Variants in ITGA9 observed in about 807,000 individuals in gnomAD.
ITGA9 encodes integrin subunit alpha 9.
ITGA9 carries 56 observed loss-of-function variants against 127.8 expected under a neutral mutation model. The observed-to-expected ratio is 0.44, with a 90% CI of 0.35 to 0.55. The LOEUF (loss-of-function observed/expected upper bound fraction) is 0.55. Ranked by LOEUF, ITGA9 falls within the 20% of genes least tolerant of loss-of-function variation. The probability of loss-of-function intolerance (pLI) is 0.00; values close to 1 mark genes in which losing one functional copy is unlikely to be tolerated. For missense variants in ITGA9, 1,196 were observed against 1,347.1 expected (o/e 0.89, Z 1.76); for synonymous variants, 508 against 514.5 (o/e 0.99, Z 0.17).
At chr3:37,546,248 C>T (rs759244879) in intron 15 of ITGA9, among the ~76,000 whole-genome samples, 1 of 152,166 alleles carries the variant, frequency 6.6e-6, no homozygotes, top group East Asian at 1.9e-4. Flanking sequence ...GCTGATAAAG[C>T]GCCCACTCCA....
At chr3:37,666,506 C>T (rs1242020753) in intron 17 of ITGA9, among the ~76,000 whole-genome samples, 2 of 152,114 alleles carry the variant, frequency 1.3e-5, no homozygotes, top group East Asian at 1.9e-4. Flanking sequence ...CAGGCAACCT[C>T]GGGTTGGTTG....
intron 13 of ITGA9, among the ~76,000 whole-genome samples, chr3:37,530,936 A>ATTT (rs1699145023): frequency 6.6e-6 from 1 of 151,636 alleles, no homozygotes; most frequent in Non-Finnish European, 1.5e-5. Context: ...TATTTTTAGT[A>ATTT]GAGACAGGGT....
rs1699021533 is a variant in ITGA9 at position 37,519,341 on chromosome 3, C to T, written c.1223C>T (p.Pro408Leu). 1 of 1,613,312 alleles carries T rather than the reference C, an allele frequency of 6.2e-7. No individual in the cohort carries two copies. Among genetic ancestry groups the T allele is most frequent in the Non-Finnish European group, 8.5e-7 (1 of 1,179,324 alleles). The part of the protein sequence containing the change: ...IYHGDAGGIV[P>L]QYSMKLSGQK... ...CATGGTGATGCCGGTGGGATAGTCC[C>T]TCAGTACTCAATGGTAATTAGTGTG... is the stretch of plus-strand genomic sequence containing the variant. Residue 408 changes from proline (P) to leucine (L), a missense_variant, in exon 11 of 28, where the codon CCT becomes CTT. Transcript: ENST00000264741.
intron 8 of ITGA9, among the ~76,000 whole-genome samples, chr3:37,510,949 C>T (rs1269680234): frequency 6.6e-6 from 1 of 152,168 alleles, no homozygotes; most frequent in Non-Finnish European, 1.5e-5. Flanking sequence ...TATTCTACTT[C>T]TTGCCAGAAG....
chr3:37,771,307 T>G (rs776586368), intron 23 of ITGA9, among the ~76,000 whole-genome samples: 1 of 152,200 alleles, frequency 6.6e-6, no homozygotes. Flanking sequence ...AAGAGTGCGG[T>G]TAAAACCAAG....
chr3:37,660,951 G>A (rs1700527707), intron 17 of ITGA9, among the ~76,000 whole-genome samples: 1 of 152,210 alleles, frequency 6.6e-6, no homozygotes, highest in Admixed American at 6.5e-5. Context: ...GCAGAAATGT[G>A]CAATGACTCT....
At chr3:37,679,976 G>A (rs1483394311) in intron 17 of ITGA9, among the ~76,000 whole-genome samples, 2 of 152,108 alleles carry the variant, frequency 1.3e-5, no homozygotes, top group Non-Finnish European at 2.9e-5. Context: ...TGGGGGGTGG[G>A]GGGCTCATAA....
intron 18 of ITGA9, among the ~76,000 whole-genome samples, chr3:37,706,410 C>A (rs1342906485): frequency 6.6e-6 from 1 of 152,094 alleles, no homozygotes; most frequent in Non-Finnish European, 1.5e-5. Context: ...ACGCCTGAAA[C>A]CATAGATGCA....
At chr3:37,632,507 A>T (rs1700238050) in intron 16 of ITGA9, among the ~76,000 whole-genome samples, 1 of 152,232 alleles carries the variant, frequency 6.6e-6, no homozygotes, top group African/African-American at 2.4e-5. Flanking sequence ...GAATACCAGT[A>T]ATAAGAAAAG....
intron 1 of ITGA9, among the ~76,000 whole-genome samples, chr3:37,460,020 A>C (rs1222833148): frequency 1.3e-5 from 2 of 152,170 alleles, no homozygotes; most frequent in Non-Finnish European, 2.9e-5. Context: ...GCTGTCTAGC[A>C]TTAAGACAGA....
At chr3:37,780,158 G>T in intron 25 of ITGA9, 137 bp downstream of exon 25, 1 of 1,026,030 alleles carries the variant, frequency 9.7e-7, no homozygotes, top group Admixed American at 1.8e-5. Context: ...CCCCCCTTTT[G>T]GCTGTCTACA....
chr3:37,614,798 T>C (rs2125627801), intron 15 of ITGA9, among the ~76,000 whole-genome samples: 1 of 152,262 alleles, frequency 6.6e-6, no homozygotes, highest in Non-Finnish European at 1.5e-5. Flanking sequence ...ATGCTTGTGA[T>C]TTTTGCACAT....
intron 16 of ITGA9, among the ~76,000 whole-genome samples, chr3:37,644,742 C>A (rs1700361809): frequency 6.6e-6 from 1 of 152,080 alleles, no homozygotes; most frequent in South Asian, 2.1e-4. Context: ...TAAAGGGAAA[C>A]CAAGAGGGTT....
At chr3:37,506,771 A>C (rs1698848079) in intron 7 of ITGA9, among the ~76,000 whole-genome samples, 1 of 152,226 alleles carries the variant, frequency 6.6e-6, no homozygotes, top group Non-Finnish European at 1.5e-5. Context: ...ATGGATCAGG[A>C]ACCCACATTT....
intron 25 of ITGA9, among the ~76,000 whole-genome samples, chr3:37,781,055 C>T (rs924207090): frequency 9.9e-5 from 15 of 152,204 alleles, no homozygotes; most frequent in Non-Finnish European, 2.1e-4. Context: ...CTTAATAAAT[C>T]GGCATCTTCA....
chr3:37,705,901 T>C (rs1260863815), intron 18 of ITGA9, among the ~76,000 whole-genome samples: 3 of 152,192 alleles, frequency 2.0e-5, no homozygotes, highest in Non-Finnish European at 4.4e-5. Flanking sequence ...TGCTCAGTCC[T>C]CCCATTTGTT....
chr3:37,575,171 C>T (rs965148345), intron 15 of ITGA9, among the ~76,000 whole-genome samples: 20 of 152,072 alleles, frequency 1.3e-4, no homozygotes, highest in African/African-American at 4.1e-4. Flanking sequence ...GCTGCTGGTG[C>T]CACTCATCCT....
At chr3:37,706,865 C>T (rs1701011328) in intron 18 of ITGA9, among the ~76,000 whole-genome samples, 1 of 152,166 alleles carries the variant, frequency 6.6e-6, no homozygotes, top group Non-Finnish European at 1.5e-5. Flanking sequence ...CTTCTCATGA[C>T]CACAATCAGT....
chr3:37,562,149 G>C (rs985689936), intron 15 of ITGA9, among the ~76,000 whole-genome samples: 1 of 152,114 alleles, frequency 6.6e-6, no homozygotes, highest in African/African-American at 2.4e-5. Context: ...TCTGGTTGTG[G>C]GCAGACTCTG....
Sources: allele counts gnomAD v4.1 joint callset (sites outside exome capture counted in the v4.1 genomes callset), GRCh38; gene constraint gnomAD v4.1.1; transcripts MANE v1.5; gene names NCBI Gene and HGNC (gene_info 2026-07-23, HGNC 2026-07-21).